The following ST6GALNAC3 variants were observed in gnomAD, a reference collection of about 807,000 sequenced individuals.
ST6GALNAC3 encodes the protein alpha-N-acetylgalactosaminide alpha-2,6-sialyltransferase 3.
A neutral mutation model predicts 32.7 loss-of-function variants in ST6GALNAC3; 25 were observed. The observed-to-expected ratio is 0.76, with a 90% confidence interval of 0.56 to 1.07. ST6GALNAC3 has a LOEUF of 1.07. Ranked by LOEUF, ST6GALNAC3 falls within the 50% of genes least tolerant of loss-of-function variation. The pLI, the probability that ST6GALNAC3 is intolerant of heterozygous loss-of-function variation, is 0.00. For synonymous variants in ST6GALNAC3, 129 were observed against 133.1 expected (o/e 0.97, Z 0.21); for missense variants, 355 against 382.4 (o/e 0.93, Z 0.60).
Position 76,074,794 on chromosome 1 carries a change from C to G in ST6GALNAC3, c.-73C>G. On this transcript the variant is annotated 5_prime_UTR_variant, in exon 1 of 5. Coordinates refer to ENST00000328299, the MANE Select transcript of ST6GALNAC3 (RefSeq NM_152996.4). ...AGAGGTCCTGCCGTGGTACCAGCCT[C>G]CAGCCTGCCCCCAGGACTGCCCCTG... 6.5e-7 allele frequency: 1 copy of G among 1,537,032 alleles called. No individual in the cohort carries two copies.
chr1:76,540,822 A>G (rs1272310723), intron 3 of ST6GALNAC3, among the ~76,000 whole-genome samples: 4 of 152,230 alleles, frequency 2.6e-5, no homozygotes, highest in South Asian at 2.1e-4. Context: ...ATTGTGTACC[A>G]GAAACTGCTT....
chr1:76,228,249 G>T (rs1353687540), intron 1 of ST6GALNAC3, among the ~76,000 whole-genome samples: 2 of 152,172 alleles, frequency 1.3e-5, no homozygotes, highest in Non-Finnish European at 2.9e-5. Flanking sequence ...AAGTCCTGTG[G>T]TTTCAGTGAT....
chr1:76,444,060 G>A (rs546907483), intron 3 of ST6GALNAC3, among the ~76,000 whole-genome samples: 3 of 152,318 alleles, frequency 2.0e-5, no homozygotes, highest in African/African-American at 7.2e-5. Flanking sequence ...CAAGAAGTTG[G>A]CACCTTTCTA....
At chr1:76,529,384 A>G (rs1004995000) in intron 3 of ST6GALNAC3, among the ~76,000 whole-genome samples, 1 of 152,166 alleles carries the variant, frequency 6.6e-6, no homozygotes. Flanking sequence ...ATGAACTAAC[A>G]TATTCTAAAA....
intron 2 of ST6GALNAC3, among the ~76,000 whole-genome samples, chr1:76,323,845 A>G (rs901196845): frequency 6.6e-6 from 1 of 152,138 alleles, no homozygotes; most frequent in East Asian, 1.9e-4. Flanking sequence ...CAATGAGCAC[A>G]TATTGTATTT....
chr1:76,437,506 A>G (rs1163162830), intron 3 of ST6GALNAC3, among the ~76,000 whole-genome samples: 7 of 151,742 alleles, frequency 4.6e-5, no homozygotes, highest in Non-Finnish European at 1.0e-4. Flanking sequence ...TGCCCAATGA[A>G]GTCTTTTTTT....
At chr1:76,560,525 T>G (rs1032433226) in intron 3 of ST6GALNAC3, among the ~76,000 whole-genome samples, 1 of 152,024 alleles carries the variant, frequency 6.6e-6, no homozygotes, top group African/African-American at 2.4e-5. Context: ...GAGCAAAATA[T>G]TTGAATAGAT....
At chr1:76,621,604 G>A (rs990704885) in intron 3 of ST6GALNAC3, among the ~76,000 whole-genome samples, 3 of 152,044 alleles carry the variant, frequency 2.0e-5, no homozygotes, top group African/African-American at 7.2e-5. Flanking sequence ...CTTGGGGACA[G>A]CTGAAATTGT....
chr1:76,192,453 C>G (rs1653950789), intron 1 of ST6GALNAC3, among the ~76,000 whole-genome samples: 1 of 152,128 alleles, frequency 6.6e-6, no homozygotes, highest in South Asian at 2.1e-4. Flanking sequence ...CACAGGACAT[C>G]TGTGAGAATG....
intron 1 of ST6GALNAC3, among the ~76,000 whole-genome samples, chr1:76,226,953 T>A (rs1298326561): frequency 6.6e-6 from 1 of 152,140 alleles, no homozygotes; most frequent in African/African-American, 2.4e-5. Context: ...AATTTCAGTT[T>A]CTAGGATGGG....
At chr1:76,575,885 G>C (rs547413834) in intron 3 of ST6GALNAC3, among the ~76,000 whole-genome samples, 1 of 151,834 alleles carries the variant, frequency 6.6e-6, no homozygotes, top group Admixed American at 6.6e-5. Context: ...ATCCCATATG[G>C]GGGCTCTAAG....
intron 1 of ST6GALNAC3, among the ~76,000 whole-genome samples, chr1:76,090,241 G>T (rs963144526): frequency 6.6e-6 from 1 of 152,168 alleles, no homozygotes; most frequent in East Asian, 1.9e-4. Flanking sequence ...AAAAGTTAAG[G>T]AGTTCTTAGA....
chr1:76,322,404 A>G lies in ST6GALNAC3; in HGVS notation c.213+8405A>G, dbSNP rs564409292. 2.6e-5 allele frequency among the ~76,000 whole-genome samples: 4 copies of G among 152,342 alleles called. No individual in the cohort carries two copies. In the South Asian group the frequency reaches 6.2e-4, roughly 24 times the overall value. On this transcript the variant is annotated intron_variant, in intron 2 of 4. Coordinates refer to ENST00000328299, the MANE Select transcript of ST6GALNAC3 (RefSeq NM_152996.4). Reference sequence around the variant, plus strand: ...AGAAGTGTTAAAATTGGGGTTCACCAAAGAAGAGAACAACATGGACCCAAG... The same window carrying G: ...AGAAGTGTTAAAATTGGGGTTCACCGAAGAAGAGAACAACATGGACCCAAG...
chr1:76,318,421 T>G (rs767858314), intron 2 of ST6GALNAC3, among the ~76,000 whole-genome samples: 1 of 152,124 alleles, frequency 6.6e-6, no homozygotes, highest in Non-Finnish European at 1.5e-5. Context: ...GAGTGCCAAC[T>G]AACTGGGTGA....
intron 1 of ST6GALNAC3, among the ~76,000 whole-genome samples, chr1:76,188,647 A>G (rs550869239): frequency 2.0e-5 from 3 of 152,316 alleles, no homozygotes; most frequent in Admixed American, 6.5e-5. Context: ...AAACCTAACT[A>G]TAATAGACTA....
chr1:76,563,852 C>T (rs1424603998), intron 3 of ST6GALNAC3, among the ~76,000 whole-genome samples: 1 of 152,142 alleles, frequency 6.6e-6, no homozygotes. Flanking sequence ...TCCCTTCTGC[C>T]CCTCTAAAGC....
At chr1:76,440,167 A>G (rs1656443086) in intron 3 of ST6GALNAC3, among the ~76,000 whole-genome samples, 1 of 152,236 alleles carries the variant, frequency 6.6e-6, no homozygotes, top group African/African-American at 2.4e-5. Flanking sequence ...CTGAGTAAAG[A>G]GACGAAGCAT....
chr1:76,417,099 A>C (rs1654695428), intron 3 of ST6GALNAC3, among the ~76,000 whole-genome samples: 1 of 152,126 alleles, frequency 6.6e-6, no homozygotes, highest in African/African-American at 2.4e-5. Context: ...TTACTGTCTA[A>C]AATTATTTGG....
At chr1:76,213,406 A>G (rs1275028423) in intron 1 of ST6GALNAC3, among the ~76,000 whole-genome samples, 1 of 152,068 alleles carries the variant, frequency 6.6e-6, no homozygotes, top group African/African-American at 2.4e-5. Context: ...CAAGAAATAA[A>G]CCTTTATTGT....
Sources: allele counts gnomAD v4.1 joint callset (sites outside exome capture counted in the v4.1 genomes callset), GRCh38; gene constraint gnomAD v4.1.1; transcripts MANE v1.5; gene names NCBI Gene and HGNC (gene_info 2026-07-23, HGNC 2026-07-21).